PDCD6: variants seen among roughly 807,000 people sequenced by gnomAD.
PDCD6 encodes programmed cell death 6, also known as programmed cell death protein 6.
Under a neutral mutation model 28.3 loss-of-function variants are expected in PDCD6, and 12 were observed. The ratio of observed to expected loss-of-function variants is 0.42; its 90% confidence interval spans 0.27 to 0.69. The LOEUF (loss-of-function observed/expected upper bound fraction) is 0.69, where lower values mean the gene tolerates loss of function less well. PDCD6 is among the 30% of genes least tolerant of loss of function. The pLI is 0.22. For synonymous variants in PDCD6, 92 were observed against 108.0 expected (o/e 0.85, Z 0.92); for missense variants, 226 against 269.9 (o/e 0.84, Z 1.14).
chr5:299,322 G>A (rs10440690), intron 2 of PDCD6, among the ~76,000 whole-genome samples: 25,448 of 102,026 alleles, frequency 0.25, 4,838 homozygotes, highest in African/African-American at 0.55. Flanking sequence ...ACCCGTTCCT[G>A]TGGCATCCCC....
Position 278,708 on chromosome 5 carries a change from G to A in PDCD6, c.163+5936G>A, listed in dbSNP as rs1351634532. ...AGCCTGGGTGACAGAGCCAGACCCT[G>A]TCTCAAATAAAACAAAAGGAAAGAA... On this transcript the variant is annotated intron_variant, in intron 2 of 5. Coordinates refer to ENST00000264933, the MANE Select transcript of PDCD6 (RefSeq NM_013232.4). 2.0e-5 allele frequency among the ~76,000 whole-genome samples: 3 copies of A among 150,918 alleles called. 1 individual carries two copies. The South Asian group carries it at 6.4e-4, about 32-fold the overall frequency.
At chr5:301,173 C>T (rs767441369) in intron 2 of PDCD6, among the ~76,000 whole-genome samples, 51 of 152,268 alleles carry the variant, frequency 3.3e-4, no homozygotes, top group African/African-American at 1.2e-3. Context: ...TCCAGGGCCA[C>T]GGACGCAGAA....
intron 2 of PDCD6, among the ~76,000 whole-genome samples, chr5:296,398 C>T (rs1008256224): frequency 3.3e-5 from 5 of 152,118 alleles, no homozygotes; most frequent in Admixed American, 1.3e-4. Context: ...CACCTGGGCA[C>T]GTGGCATATT....
intron 2 of PDCD6, among the ~76,000 whole-genome samples, chr5:285,406 C>T (rs1168641186): frequency 4.7e-5 from 7 of 150,432 alleles, no homozygotes; most frequent in Non-Finnish European, 8.8e-5. Flanking sequence ...GTTTGAGGGC[C>T]GTGCAGCTGG....
chr5:314,426 G>T lies in PDCD6; in HGVS notation c.487G>T (p.Asp163Tyr). 6.2e-7 allele frequency: 1 copy of T among 1,612,298 alleles called. No individual in the cohort carries two copies. Residue 163 changes from aspartate to tyrosine, a missense_variant, in exon 6 of 6, where the codon GAT becomes TAT. Around this residue, in one of 3 missense-constraint regions of PDCD6, gnomAD observed 151 missense variants for 177.2 expected, o/e 0.85. Transcript: ENST00000264933. ...CCTGTTTTCTCCCCAGAGGTTGACG[G>T]ATATATTCAGACGTTACGACACGGA... ...QGCIVLQRLTDIFRRYDTDQD... is the reference protein window; with the variant it reads ...QGCIVLQRLTYIFRRYDTDQD...
intron 2 of PDCD6, among the ~76,000 whole-genome samples, chr5:274,328 T>G (rs1738042618): frequency 6.6e-6 from 1 of 152,252 alleles, no homozygotes; most frequent in Admixed American, 6.5e-5. Context: ...GGTTTTCTGT[T>G]AAACTTGCTC....
intron 2 of PDCD6, among the ~76,000 whole-genome samples, chr5:285,633 C>G (rs28558836): frequency 0.26 from 36,993 of 142,598 alleles, 7,091 homozygotes; most frequent in African/African-American, 0.56. Context: ...GTTCCAGTTT[C>G]AGGTTGGTGC....
rs540875482 is a variant in PDCD6, at chr5:279,217, C to G, written c.163+6445C>G. The stretch of plus-strand genomic sequence containing the variant: ...TTTTCATTCCCCCCTAAGAGTATGA[C>G]GCAGCCGCATCCTTGCCAGGGCCGG... On this transcript the variant is annotated intron_variant, in intron 2 of 5. Transcript: ENST00000264933. Among the ~76,000 whole-genome samples the G allele has an allele frequency of 1.8e-4, 28 of 152,014 alleles. No homozygotes were observed. In the East Asian group the frequency reaches 5.4e-3, roughly 29 times the overall value.
chr5:273,001 A>G (rs1441274245), intron 2 of PDCD6: 1 of 669,760 alleles, frequency 1.5e-6, no homozygotes, highest in Admixed American at 3.0e-5. Flanking sequence ...GAGCACAGGG[A>G]AAGGCTTCTT....
chr5:276,425 G>A (rs1561029478), intron 2 of PDCD6: 3 of 988,952 alleles, frequency 3.0e-6, no homozygotes, highest in African/African-American at 1.7e-5. Context: ...TTTGTCCTTG[G>A]ATAAACACAT....
Position 271,783 on chromosome 5 carries a change from G to T in PDCD6, c.63G>T (p.Ala21=). The T allele has an allele frequency of 6.7e-7, 1 of 1,482,104 alleles. No homozygotes were observed. Among genetic ancestry groups the T allele is most frequent in the Non-Finnish European group, 8.9e-7 (1 of 1,122,264 alleles). 91.8% of individuals were successfully genotyped at this position (1,482,104 alleles called of 1,614,324 possible). Residue 21 remains alanine, a synonymous_variant, in exon 1 of 6, where the codon GCG becomes GCT. Coordinates refer to ENST00000264933, the MANE Select transcript of PDCD6 (RefSeq NM_013232.4). ...GAGPGPAAGA[A]LPDQSFLWNV... is the part of the protein sequence containing the mutation. ...GCCCTGGGCCTGCTGCAGGCGCGGC[G>T]CTGCCGGACCAGAGCTTCCTGTGGA...
chr5:306,147 C>T (rs1022800224), intron 3 of PDCD6: 1 of 183,542 alleles, frequency 5.4e-6, no homozygotes, highest in Non-Finnish European at 1.2e-5. Flanking sequence ...CAAGACTCCA[C>T]CAGTGCTGTG....
intron 2 of PDCD6, among the ~76,000 whole-genome samples, chr5:303,220 A>G (rs2126757425): frequency 6.6e-6 from 1 of 150,884 alleles, no homozygotes; most frequent in Admixed American, 6.6e-5. Context: ...CCCGTGCTCC[A>G]CCAGGAGCCT....
chr5:277,052 C>T (rs1738241499), intron 2 of PDCD6: 7 of 470,038 alleles, frequency 1.5e-5, no homozygotes, highest in Non-Finnish European at 1.9e-5. Context: ...CTTAATATAA[C>T]ACTGATGTAT....
intron 2 of PDCD6, among the ~76,000 whole-genome samples, chr5:282,658 G>A (rs1738654516): frequency 1.3e-5 from 2 of 151,688 alleles, no homozygotes; most frequent in Admixed American, 1.3e-4. Flanking sequence ...GACTTGGGGA[G>A]TAGCTGATGT....
At chr5:302,101 T>TGG (rs1740103433) in intron 2 of PDCD6, among the ~76,000 whole-genome samples, 1 of 127,450 alleles carries the variant, frequency 7.8e-6, no homozygotes, top group African/African-American at 2.9e-5. Context: ...TGTGTGTGTG[T>TGG]GTGTGTGCCT....
In PDCD6 at chr5:309,600, C is replaced by T. The variant is rs910361369; in HGVS notation, c.368-1693C>T. 4.3e-5 allele frequency: 10 copies of T among 231,388 alleles called. No homozygotes were observed. The East Asian group carries it at 5.6e-4, about 13-fold the overall frequency. 14.3% of individuals were successfully genotyped at this position (231,388 alleles called of 1,614,324 possible). On this transcript the variant is annotated intron_variant, in intron 4 of 5. Coordinates refer to ENST00000264933, the MANE Select transcript of PDCD6 (RefSeq NM_013232.4). ...GCACCCCAGTGATGGCCGCCGTCCC[C>T]GTGCACCCCAGTGATGGCCGCCGTC... is the stretch of plus-strand genomic sequence containing the variant.
intron 2 of PDCD6, among the ~76,000 whole-genome samples, chr5:302,016 G>A (rs1298161102): frequency 7.3e-6 from 1 of 136,376 alleles, no homozygotes; most frequent in Non-Finnish European, 1.6e-5. Context: ...GCCTTTGTGG[G>A]AAGAGCACAG....
At chr5:298,845 TC>T (rs1228643309) in intron 2 of PDCD6, among the ~76,000 whole-genome samples, 2 of 4,090 alleles carry the variant, frequency 4.9e-4, no homozygotes, top group African/African-American at 1.4e-3. Flanking sequence ...CCGCAGCTGC[TC>T]CCCCCAGCTG....
Sources: gnomAD v4.1 joint callset for allele counts (sites outside exome capture counted in the v4.1 genomes callset) on GRCh38, gnomAD v4.1.1 for gene constraint, gnomAD v4.1.1 regional missense constraint, MANE v1.5 for transcripts, NCBI Gene and HGNC (gene_info 2026-07-23, HGNC 2026-07-21) for gene names.